The following RGS8 variants were observed in gnomAD, a reference collection of about 807,000 sequenced individuals.
The protein encoded by RGS8 is regulator of G-protein signaling 8.
In RGS8, 8 loss-of-function variants were observed where a neutral mutation model predicts 21.7. The observed-to-expected ratio is 0.37, with a 90% confidence interval of 0.22 to 0.66. The LOEUF (loss-of-function observed/expected upper bound fraction) is 0.66. Among genes scored for constraint, RGS8 ranks in the 30% least tolerant of loss-of-function variants. RGS8 has a pLI of 0.59. For missense variants in RGS8, 157 were observed against 217.9 expected, an observed-to-expected ratio of 0.72 and a Z score of 1.76; for synonymous variants, 80 against 83.6, an observed-to-expected ratio of 0.96 and a Z score of 0.24.
At chr1:182,735,714 G>T in the RGS8 span, among the ~76,000 whole-genome samples, 1 of 152,216 alleles carries the variant, frequency 6.6e-6, no homozygotes, top group Non-Finnish European at 1.5e-5. Context: ...GCACCAGTTT[G>T]TGATTATATT....
At chr1:182,648,197 T>C (rs1416292371) in exon 6 of RGS8, 1 of 1,613,454 alleles carries the variant, frequency 6.2e-7, no homozygotes, top group Admixed American at 1.7e-5. Flanking sequence ...TAGAGACCAG[T>C]TTTGCAGTTG....
intron 5 of RGS8, among the ~76,000 whole-genome samples, chr1:182,649,951 C>T (rs531169120): frequency 7.5e-5 from 11 of 145,772 alleles, no homozygotes; most frequent in South Asian, 4.3e-4. Context: ...CTTGCTCTGT[C>T]GCCACGCTGG....
chr1:182,675,099 C>T (rs1447171392), upstream of RGS8, among the ~76,000 whole-genome samples: 4 of 152,270 alleles, frequency 2.6e-5, no homozygotes, highest in East Asian at 7.7e-4. Flanking sequence ...TAAACAGACC[C>T]TGCATGCTAT....
chr1:182,704,927 T>G, the RGS8 span, among the ~76,000 whole-genome samples: 1 of 152,192 alleles, frequency 6.6e-6, no homozygotes, highest in African/African-American at 2.4e-5. Flanking sequence ...GGTGTGAACA[T>G]GGGTCCCAGC....
chr1:182,727,855 A>G, the RGS8 span, among the ~76,000 whole-genome samples: 1 of 152,200 alleles, frequency 6.6e-6, no homozygotes, highest in Non-Finnish European at 1.5e-5. Flanking sequence ...ATAGTTTCAC[A>G]ATCATGTTAA....
chr1:182,738,639 T>A, the RGS8 span, among the ~76,000 whole-genome samples: 1 of 152,134 alleles, frequency 6.6e-6, no homozygotes, highest in South Asian at 2.1e-4. Flanking sequence ...CTGTAATTAA[T>A]ATGAAGTATG....
chr1:182,669,669 T>G (rs747705470), exon 3 of RGS8: 25 of 1,614,108 alleles, frequency 1.5e-5, no homozygotes, highest in Non-Finnish European at 2.1e-5. Context: ...AGCTTACGGT[T>G]AACCCTTGGG....
At chr1:182,671,696 A>G (rs1191704358) in exon 2 of RGS8, 2 of 1,614,104 alleles carry the variant, frequency 1.2e-6, no homozygotes, top group Non-Finnish European at 1.7e-6. Flanking sequence ...GTCTTTGCCA[A>G]CTGGATGGTC....
chr1:182,649,311 A>C (rs1474250046), intron 5 of RGS8, among the ~76,000 whole-genome samples: 2 of 152,280 alleles, frequency 1.3e-5, no homozygotes, highest in East Asian at 3.9e-4. Context: ...ACTAGAGGGA[A>C]GTGTGAATGT....
the RGS8 span, among the ~76,000 whole-genome samples, chr1:182,741,216 G>A: frequency 2.1e-5 from 3 of 146,316 alleles, no homozygotes; most frequent in Admixed American, 1.3e-4. Context: ...GGACGGGGCG[G>A]CTGGCCGGGC....
chr1:182,744,290 TA>T, the RGS8 span, among the ~76,000 whole-genome samples: 331 of 144,036 alleles, frequency 2.3e-3, 1 homozygote, highest in Admixed American at 3.9e-3. Context: ...TCTGGCTAAC[TA>T]AAAAAAAAAA....
chr1:182,701,171 G>C, the RGS8 span, among the ~76,000 whole-genome samples: 116 of 152,312 alleles, frequency 7.6e-4, no homozygotes, highest in Non-Finnish European at 1.4e-3. Context: ...GCAGGGTTTT[G>C]AGTTGATGGA....
chr1:182,736,622 T>C, the RGS8 span, among the ~76,000 whole-genome samples: 3 of 152,214 alleles, frequency 2.0e-5, no homozygotes, highest in African/African-American at 7.2e-5. Context: ...TCATGGATGT[T>C]AGCCCTGGGA....
chr1:182,707,285 G>A, the RGS8 span, among the ~76,000 whole-genome samples: 2 of 152,154 alleles, frequency 1.3e-5, no homozygotes, highest in Admixed American at 6.5e-5. Flanking sequence ...ACAACCTTTT[G>A]TACTTTGCTG....
At chr1:182,726,144 T>G in the RGS8 span, among the ~76,000 whole-genome samples, 3 of 152,008 alleles carry the variant, frequency 2.0e-5, no homozygotes, top group Admixed American at 2.0e-4. Flanking sequence ...CTGATTGCTT[T>G]TGGGAAAGAA....
At chr1:182,666,738 C>T (rs2102436297) in intron 4 of RGS8, 134 bp downstream of exon 5, 1 of 666,770 alleles carries the variant, frequency 1.5e-6, no homozygotes, top group South Asian at 1.7e-5. Flanking sequence ...CTTTCACTCA[C>T]GTCCAGGGAT....
chr1:182,672,959 T>G, upstream of RGS8: 1 of 1,050,048 alleles, frequency 9.5e-7, no homozygotes, highest in South Asian at 1.3e-5. Context: ...ATGCAAATGT[T>G]CAGGCCCCAC....
chr1:182,734,328 G>A, the RGS8 span: 1 of 152,194 alleles, frequency 6.6e-6, no homozygotes, highest in Non-Finnish European at 1.5e-5. Flanking sequence ...GGAAGCTAAA[G>A]AACTCAATTA....
the RGS8 span, among the ~76,000 whole-genome samples, chr1:182,715,351 CACTT>C: frequency 6.6e-6 from 1 of 152,230 alleles, no homozygotes; most frequent in Non-Finnish European, 1.5e-5. Flanking sequence ...CAGTTACTCT[CACTT>C]ACCCCTTTAA....
Sources: gnomAD v4.1 joint callset for allele counts (sites outside exome capture counted in the v4.1 genomes callset) on GRCh38, gnomAD v4.1.1 for gene constraint, MANE v1.5 for transcripts, NCBI Gene and HGNC (gene_info 2026-07-23, HGNC 2026-07-21) for gene names.